The following SLC30A8 variants were observed in gnomAD, a reference collection of about 807,000 sequenced individuals.
The protein encoded by SLC30A8 is solute carrier family 30 member 8, also known as proton-coupled zinc antiporter SLC30A8.
SLC30A8 carries 27 observed loss-of-function variants against 36.9 expected under a neutral mutation model. That is an observed-to-expected ratio of 0.73 (90% CI 0.54 to 1.01). The LOEUF (loss-of-function observed/expected upper bound fraction) is 1.01. Ranked by LOEUF, SLC30A8 falls within the 50% of genes least tolerant of loss-of-function variation. The pLI, the probability that SLC30A8 is intolerant of heterozygous loss-of-function variation, is 0.00. For synonymous variants in SLC30A8, 164 were observed against 172.4 expected (o/e 0.95, Z 0.38); for missense variants, 439 against 452.0 (o/e 0.97, Z 0.26).
At chr8:117,094,720 C>T (rs1819283292) in intron 2 of SLC30A8, among the ~76,000 whole-genome samples, 1 of 152,224 alleles carries the variant, frequency 6.6e-6, no homozygotes, top group Non-Finnish European at 1.5e-5. Flanking sequence ...GAAGGTGGGG[C>T]TTTACCTGGG....
intron 2 of SLC30A8, among the ~76,000 whole-genome samples, chr8:117,073,648 T>C (rs1037639034): frequency 6.6e-6 from 1 of 152,240 alleles, no homozygotes; most frequent in Non-Finnish European, 1.5e-5. Context: ...CAATCTGGTC[T>C]GTCTCATTCA....
chr8:117,141,997 A>G (rs1821674156), intron 1 of SLC30A8, among the ~76,000 whole-genome samples: 1 of 152,104 alleles, frequency 6.6e-6, no homozygotes, highest in African/African-American at 2.4e-5. Context: ...ATTTTCTTAC[A>G]GTCATATGAC....
chr8:117,038,363 T>C (rs1456005923), intron 1 of SLC30A8, among the ~76,000 whole-genome samples: 1 of 152,206 alleles, frequency 6.6e-6, no homozygotes, highest in African/African-American at 2.4e-5. Flanking sequence ...AACAATAATT[T>C]ATGTGTGTAT....
At chr8:117,171,441 C>T (rs1823380417) in intron 7 of SLC30A8, among the ~76,000 whole-genome samples, 1 of 152,128 alleles carries the variant, frequency 6.6e-6, no homozygotes, top group Non-Finnish European at 1.5e-5. Context: ...AGGCCTTGGA[C>T]TCTGAATATT....
chr8:117,164,897 T>C (rs1311329422), intron 6 of SLC30A8, among the ~76,000 whole-genome samples: 1 of 152,142 alleles, frequency 6.6e-6, no homozygotes, highest in Non-Finnish European at 1.5e-5. Context: ...TGTCCAGGAA[T>C]AGATCACATA....
At chr8:117,161,972 A>G in intron 5 of SLC30A8, 84 bp downstream of exon 5, 6 of 1,232,916 alleles carry the variant, frequency 4.9e-6, no homozygotes, top group Non-Finnish European at 6.8e-6. Context: ...ACTTAAAGAG[A>G]ATGGGCATCC....
At position 117,145,932 on chromosome 8, in the gene SLC30A8, A is replaced by G. The variant is rs989568089; in HGVS notation, c.72-1022A>G. Reference sequence around the variant, plus strand: ...TAAAAAAGTGGCTCTCGTGAAGATAAGAGAGTAGATTGGTGGTTACAAGAG... The same window carrying G: ...TAAAAAAGTGGCTCTCGTGAAGATAGGAGAGTAGATTGGTGGTTACAAGAG... On this transcript the variant is annotated intron_variant, in intron 1 of 7. Transcript: ENST00000456015. Among the ~76,000 whole-genome samples the G allele has an allele frequency of 5.3e-5, 8 of 152,306 alleles. No homozygotes were observed. In the South Asian group the frequency reaches 1.2e-3, roughly 24 times the overall value.
chr8:117,118,240 C>G (rs1820540322), intron 2 of SLC30A8, among the ~76,000 whole-genome samples: 1 of 151,034 alleles, frequency 6.6e-6, no homozygotes, highest in African/African-American at 2.4e-5. Flanking sequence ...CAGTTGCTCT[C>G]AGATAAAATA....
intron 6 of SLC30A8, 84 bp downstream of exon 6, chr8:117,163,614 C>T: frequency 3.2e-6 from 3 of 950,390 alleles, no homozygotes; most frequent in Non-Finnish European, 4.6e-6. Flanking sequence ...AAGGCATGCT[C>T]ACTGTTAATT....
intron 5 of SLC30A8, among the ~76,000 whole-genome samples, chr8:117,162,974 A>G (rs1822871342): frequency 1.3e-5 from 2 of 152,234 alleles, no homozygotes; most frequent in South Asian, 4.1e-4. Flanking sequence ...GTCAGCCAAG[A>G]GCATAGTCCA....
At chr8:116,955,424 A>G (rs1300434952) in intron 1 of SLC30A8, among the ~76,000 whole-genome samples, 1 of 152,054 alleles carries the variant, frequency 6.6e-6, no homozygotes, top group African/African-American at 2.4e-5. Context: ...TGCTGCACCT[A>G]CAAGCCAGGG....
intron 1 of SLC30A8, among the ~76,000 whole-genome samples, chr8:117,036,982 G>T (rs550562352): frequency 1.3e-5 from 2 of 152,250 alleles, no homozygotes; most frequent in South Asian, 4.1e-4. Context: ...TAGAGAGAGA[G>T]AAAGAGAGAT....
intron 2 of SLC30A8, among the ~76,000 whole-genome samples, chr8:117,099,014 AG>A (rs1463549373): frequency 1.3e-5 from 2 of 152,198 alleles, no homozygotes; most frequent in Non-Finnish European, 2.9e-5. Flanking sequence ...ATAAGAAAAT[AG>A]GTTAAACTCA....
Position 117,050,162 on chromosome 8 carries a change from G to T in SLC30A8, c.-226+10904G>T, listed in dbSNP as rs116101214. 1.6e-3 allele frequency among the ~76,000 whole-genome samples: 248 copies of T among 152,222 alleles called. 1 individual carries two copies. The highest frequency in any genetic ancestry group is 5.7e-3 in the African/African-American group (235 of 41,540). On this transcript the variant is annotated intron_variant, in intron 2 of 10. Coordinates refer to the SLC30A8 transcript ENST00000427715. ...AGCAGGGAGACAGGAGGCATGATGC[G>T]TGCCTTGTTCCATGACCTAACGAGT...
At chr8:117,060,634 A>G (rs1235405686) in intron 2 of SLC30A8, among the ~76,000 whole-genome samples, 1 of 152,164 alleles carries the variant, frequency 6.6e-6, no homozygotes, top group Non-Finnish European at 1.5e-5. Flanking sequence ...TCTTCCTTCC[A>G]TTTCCCTACT....
chr8:116,977,141 C>CTTTTTTTTTTTTTTTTTTTTTT (rs71305451), intron 1 of SLC30A8, among the ~76,000 whole-genome samples: 9 of 59,108 alleles, frequency 1.5e-4, no homozygotes, highest in Admixed American at 6.0e-4. Context: ...CTTTTTCTTG[C>CTTTTTTTTTTTTTTTTTTTTTT]TTTTTTTTTT....
At chr8:117,061,902 C>T (rs1216594181) in intron 2 of SLC30A8, among the ~76,000 whole-genome samples, 1 of 152,122 alleles carries the variant, frequency 6.6e-6, no homozygotes, top group African/African-American at 2.4e-5. Flanking sequence ...GCAAGTGGAC[C>T]AGAAAGAACA....
chr8:117,156,565 C>T (rs1397765058), intron 3 of SLC30A8, among the ~76,000 whole-genome samples: 2 of 152,178 alleles, frequency 1.3e-5, no homozygotes, highest in African/African-American at 4.8e-5. Context: ...CAGCATTTCC[C>T]ATAGTGTGAG....
chr8:117,169,182 T>A (rs1254565635), intron 6 of SLC30A8, among the ~76,000 whole-genome samples: 2 of 152,152 alleles, frequency 1.3e-5, no homozygotes, highest in African/African-American at 4.8e-5. Context: ...GATAACCAGC[T>A]CTTTGTTACT....
Sources: allele counts gnomAD v4.1 joint callset (sites outside exome capture counted in the v4.1 genomes callset), GRCh38; gene constraint gnomAD v4.1.1; transcripts MANE v1.5; gene names NCBI Gene and HGNC (gene_info 2026-07-23, HGNC 2026-07-21).